The following EPM2A variants were observed in gnomAD, a reference collection of about 807,000 sequenced individuals.
EPM2A encodes laforin.
A neutral mutation model predicts 26.5 loss-of-function variants in EPM2A; 21 were observed. The observed-to-expected ratio is 0.79, with a 90% CI of 0.56 to 1.14. The LOEUF (loss-of-function observed/expected upper bound fraction) is 1.14. Among genes scored for constraint, EPM2A ranks in the 50% most tolerant of loss-of-function variants. The pLI is 0.00. For missense variants in EPM2A, 458 were observed against 440.8 expected (o/e 1.04, Z -0.35); for synonymous variants, 217 against 177.6 (o/e 1.22, Z -1.76).
At chr6:145,501,097 A>G (rs544032102), downstream of EPM2A, among the ~76,000 whole-genome samples, 37 of 152,114 alleles carry the variant, frequency 2.4e-4, no homozygotes, top group Non-Finnish European at 3.8e-4. Context: ...CACTGTGGAG[A>G]GGAGAGGAGA....
intron 1 of EPM2A, chr6:145,720,938 A>C (rs1170731554): frequency 6.6e-6 from 1 of 152,164 alleles, no homozygotes; most frequent in Non-Finnish European, 1.5e-5. Flanking sequence ...AGGCAGGTGG[A>C]TCACTTGTGC....
chr6:145,477,430 G>A (rs1779556282), intron 4 of EPM2A, among the ~76,000 whole-genome samples: 1 of 151,706 alleles, frequency 6.6e-6, no homozygotes, highest in South Asian at 2.1e-4. Flanking sequence ...CATTCTATGA[G>A]TCCAGTATTA....
At chr6:145,533,590 G>T (rs564989335) in intron 2 of EPM2A, among the ~76,000 whole-genome samples, 1 of 152,084 alleles carries the variant, frequency 6.6e-6, no homozygotes, top group South Asian at 2.1e-4. Flanking sequence ...TATCTCAAAT[G>T]CATGAGCTCA....
At chr6:145,722,794 G>A (rs1182888020) in intron 1 of EPM2A, 2 of 446,068 alleles carry the variant, frequency 4.5e-6, no homozygotes, top group East Asian at 1.5e-4. Context: ...GCCTTTATAA[G>A]AAGAAATTTG....
At chr6:145,678,962 G>A (rs1780284736) in intron 2 of EPM2A, among the ~76,000 whole-genome samples, 1 of 152,130 alleles carries the variant, frequency 6.6e-6, no homozygotes, top group Non-Finnish European at 1.5e-5. Context: ...TATATTTATT[G>A]CGGCATTATT....
rs370423440 is a variant in EPM2A at position 145,735,220 on chromosome 6, C to A, written c.279G>T (p.Pro93=). ...TFWYKFLKRE[P]GGELSWEGNG... Reference sequence around the variant, plus strand: ...TACCTTCCCAGGAGAGCTCTCCTCCCGGCTCCCGCTTCAGGAACTTGTACC... The same window carrying A: ...TACCTTCCCAGGAGAGCTCTCCTCCAGGCTCCCGCTTCAGGAACTTGTACC... Residue 93 remains proline (P), a synonymous_variant, in exon 1 of 4, where the codon CCG becomes CCT. Transcript: ENST00000367519. 2 of 1,533,426 alleles carry A rather than the reference C, an allele frequency of 1.3e-6. No individual in the cohort carries two copies. The highest frequency in any genetic ancestry group is 1.4e-5 in the African/African-American group (1 of 70,950). The allele number at this position is 1,533,426 out of a possible 1,614,324, so 95.0% of individuals were successfully genotyped here.
chr6:145,570,581 C>A (rs1305593536), intron 2 of EPM2A, among the ~76,000 whole-genome samples: 1 of 152,176 alleles, frequency 6.6e-6, no homozygotes, highest in Non-Finnish European at 1.5e-5. Flanking sequence ...ATTTCTGCAG[C>A]TGGTCATGTG....
intron 4 of EPM2A, among the ~76,000 whole-genome samples, chr6:145,485,384 G>A (rs1298245246): frequency 6.6e-6 from 1 of 152,036 alleles, no homozygotes; most frequent in Non-Finnish European, 1.5e-5. Flanking sequence ...GTGAAGTGGT[G>A]GGTAATTGAG....
intron 2 of EPM2A, among the ~76,000 whole-genome samples, chr6:145,590,068 C>G (rs6570694): frequency 0.43 from 65,192 of 151,880 alleles, 14,552 homozygotes; most frequent in African/African-American, 0.52. Context: ...TATTTACCCA[C>G]AGCAGGAGTT....
intron 2 of EPM2A, among the ~76,000 whole-genome samples, chr6:145,582,909 G>C (rs369081605): frequency 2.6e-5 from 4 of 152,008 alleles, no homozygotes; most frequent in South Asian, 4.2e-4. Context: ...ACCAGTATTC[G>C]AGCTCTTAGA....
intron 4 of EPM2A, among the ~76,000 whole-genome samples, chr6:145,417,974 GC>G (rs1412151474): frequency 6.6e-6 from 1 of 151,736 alleles, no homozygotes; most frequent in African/African-American, 2.4e-5. Flanking sequence ...TCACCACACC[GC>G]CCACTCCCTC....
rs1777750083 is a variant in EPM2A, at chr6:145,649,877, C to T, written c.477-14391G>A. On this transcript the variant is annotated intron_variant, in intron 2 of 3. Coordinates refer to ENST00000367519, the MANE Select transcript of EPM2A (RefSeq NM_005670.4). ...TATAGAAAATGTTTGCTGATCCCTGCCTTAGATGTATAATGTGTCGGGAAA... is the reference window on the plus strand; with the variant it reads ...TATAGAAAATGTTTGCTGATCCCTGTCTTAGATGTATAATGTGTCGGGAAA... 2.0e-5 allele frequency among the ~76,000 whole-genome samples: 3 copies of T among 152,132 alleles called. No homozygotes were observed. The South Asian group carries it at 6.2e-4, about 32-fold the overall frequency.
intron 2 of EPM2A, among the ~76,000 whole-genome samples, chr6:145,643,694 G>A (rs1198288009): frequency 1.3e-5 from 2 of 152,200 alleles, no homozygotes; most frequent in African/African-American, 2.4e-5. Context: ...AAACAAGACA[G>A]TTGGAAAATG....
At position 145,484,722 on chromosome 6, in the gene EPM2A, C is replaced by T. The variant is rs1427370459; in HGVS notation, c.555+17800G>A. On this transcript the variant is annotated intron_variant, in intron 4 of 4. Coordinates refer to the EPM2A transcript ENST00000638717. ...AAATGTCTTGCATTTACCATGTCCA[C>T]ATAAATGTTATTTGAATCATCGTAT... 2.6e-5 allele frequency among the ~76,000 whole-genome samples: 4 copies of T among 151,884 alleles called. 1 individual carries two copies. The highest frequency in any genetic ancestry group is 2.9e-5 in the Non-Finnish European group (2 of 67,962).
chr6:145,670,962 G>C (rs1403411596), intron 2 of EPM2A: 1 of 984,080 alleles, frequency 1.0e-6, no homozygotes, highest in East Asian at 1.1e-4. Flanking sequence ...CTTTCCTACT[G>C]ATATGAACAA....
chr6:145,403,863 T>A (rs1042586498), intron 4 of EPM2A, among the ~76,000 whole-genome samples: 9 of 152,194 alleles, frequency 5.9e-5, no homozygotes, highest in Non-Finnish European at 8.8e-5. Flanking sequence ...GTGGTTGTAC[T>A]AATTTACATT....
At chr6:145,665,923 A>G (rs1779146684) in intron 2 of EPM2A, among the ~76,000 whole-genome samples, 1 of 151,302 alleles carries the variant, frequency 6.6e-6, no homozygotes, top group Admixed American at 6.6e-5. Flanking sequence ...CCACATTATT[A>G]TCTCAATAGA....
chr6:145,634,654 T>G (rs1166716232), intron 3 of EPM2A: 1 of 153,088 alleles, frequency 6.5e-6, no homozygotes, highest in African/African-American at 2.4e-5. Context: ...GCCACATTGG[T>G]CTTTCAGTTT....
At chr6:145,584,513 A>C (rs1781160664) in intron 2 of EPM2A, among the ~76,000 whole-genome samples, 1 of 152,118 alleles carries the variant, frequency 6.6e-6, no homozygotes, top group South Asian at 2.1e-4. Flanking sequence ...GCCATGCTCC[A>C]CTGTAGCCAT....
Sources: allele counts gnomAD v4.1 joint callset (sites outside exome capture counted in the v4.1 genomes callset), GRCh38; gene constraint gnomAD v4.1.1; transcripts MANE v1.5; gene names NCBI Gene and HGNC (gene_info 2026-07-23, HGNC 2026-07-21).